Variants in ZMYND11 observed in about 807,000 individuals in gnomAD.
ZMYND11 encodes the protein zinc finger MYND domain-containing protein 11.
ZMYND11 carries 9 observed loss-of-function variants against 84.9 expected under a neutral mutation model. That is an observed-to-expected ratio of 0.11 (90% CI 0.06 to 0.18). The LOEUF is 0.18. Ranked by LOEUF, ZMYND11 falls within the 10% of genes least tolerant of loss-of-function variation. ZMYND11 has a pLI of 1.00. For missense variants in ZMYND11, 409 were observed against 761.0 expected (o/e 0.54, Z 5.44); for synonymous variants, 250 against 244.1 (o/e 1.02, Z -0.23).
intron 14 of ZMYND11, among the ~76,000 whole-genome samples, chr10:251,574 C>T (rs1953507329): frequency 1.3e-5 from 2 of 152,180 alleles, no homozygotes; most frequent in South Asian, 2.1e-4. Context: ...TGTTTGTTTA[C>T]ATCCAGAAGG....
intron 1 of ZMYND11, among the ~76,000 whole-genome samples, chr10:150,084 G>A (rs1554756543): frequency 6.6e-6 from 1 of 151,998 alleles, no homozygotes; most frequent in African/African-American, 2.4e-5. Context: ...TTTTTTTGTT[G>A]TGTCTCTGCC....
chr10:163,078 A>G (rs1057387073), intron 1 of ZMYND11, among the ~76,000 whole-genome samples: 4 of 152,214 alleles, frequency 2.6e-5, no homozygotes, highest in African/African-American at 9.7e-5. Context: ...TTTAATATCT[A>G]CATGACTGAA....
intron 1 of ZMYND11, among the ~76,000 whole-genome samples, chr10:150,527 C>T (rs188292314): frequency 4.3e-4 from 65 of 152,172 alleles, no homozygotes; most frequent in Admixed American, 8.5e-4. Context: ...GTCTTGCTAG[C>T]GGCCTATCAA....
At chr10:159,842 T>G (rs1009581827) in intron 1 of ZMYND11, among the ~76,000 whole-genome samples, 6 of 152,186 alleles carry the variant, frequency 3.9e-5, no homozygotes, top group African/African-American at 1.4e-4. Flanking sequence ...AATACTTGAT[T>G]TTGATTTTCT....
chr10:231,086 C>T (rs943574319), intron 4 of ZMYND11, among the ~76,000 whole-genome samples: 19 of 152,294 alleles, frequency 1.2e-4, no homozygotes, highest in Middle Eastern at 6.8e-3. Flanking sequence ...AAAGTTTTAT[C>T]GGAACACAGC....
At chr10:184,709 G>A (rs1937677091) in intron 2 of ZMYND11, among the ~76,000 whole-genome samples, 1 of 152,128 alleles carries the variant, frequency 6.6e-6, no homozygotes, top group Non-Finnish European at 1.5e-5. Context: ...TGCTGCGTGT[G>A]CCATAGTCCT....
chr10:141,996 A>G (rs1300558883), intron 1 of ZMYND11, among the ~76,000 whole-genome samples: 4 of 152,244 alleles, frequency 2.6e-5, no homozygotes, highest in African/African-American at 4.8e-5. Context: ...ATTTGTATAC[A>G]TTTTAATTTG....
At chr10:171,442 T>G (rs942975673) in intron 1 of ZMYND11, among the ~76,000 whole-genome samples, 2 of 152,076 alleles carry the variant, frequency 1.3e-5, no homozygotes, top group African/African-American at 2.4e-5. Context: ...CTTAATAAAC[T>G]TAATAGAAAT....
At chr10:201,997 T>C (rs1375000259) in intron 2 of ZMYND11, among the ~76,000 whole-genome samples, 3 of 152,194 alleles carry the variant, frequency 2.0e-5, no homozygotes, top group Non-Finnish European at 2.9e-5. Flanking sequence ...TAAGCAGTTA[T>C]AAGAAAATGA....
intron 1 of ZMYND11, among the ~76,000 whole-genome samples, chr10:153,900 G>A (rs1841024176): frequency 6.6e-6 from 1 of 152,194 alleles, no homozygotes; most frequent in Admixed American, 6.5e-5. Context: ...ATCTGCAGAA[G>A]CTGCCTTGCC....
intron 2 of ZMYND11, among the ~76,000 whole-genome samples, chr10:187,790 G>A (rs1477505519): frequency 1.3e-5 from 2 of 152,172 alleles, no homozygotes; most frequent in Admixed American, 1.3e-4. Flanking sequence ...CTGATTTAAA[G>A]CTATATTTAT....
chr10:175,440 C>T (rs1435721218), intron 1 of ZMYND11, among the ~76,000 whole-genome samples: 3 of 152,036 alleles, frequency 2.0e-5, no homozygotes, highest in South Asian at 2.1e-4. Context: ...TGGTGGCGCA[C>T]GCCTGTAATC....
intron 2 of ZMYND11, among the ~76,000 whole-genome samples, chr10:187,729 A>G (rs955013121): frequency 6.6e-6 from 1 of 152,184 alleles, no homozygotes; most frequent in Non-Finnish European, 1.5e-5. Flanking sequence ...TGAAATCAAA[A>G]TATGTATATG....
intron 7 of ZMYND11, 69 bp from the exon 8 acceptor site, chr10:239,987 A>G: frequency 7.3e-7 from 1 of 1,366,864 alleles, no homozygotes. Context: ...ACTGAAAGAA[A>G]AGGATAGTAA....
At chr10:145,477 T>C (rs1457164348) in intron 1 of ZMYND11, among the ~76,000 whole-genome samples, 1 of 152,054 alleles carries the variant, frequency 6.6e-6, no homozygotes, top group African/African-American at 2.4e-5. Flanking sequence ...GTCCGTGCCG[T>C]TTTCTGTAGA....
intron 2 of ZMYND11, among the ~76,000 whole-genome samples, chr10:184,617 G>A (rs1588730889): frequency 6.6e-6 from 1 of 151,878 alleles, no homozygotes; most frequent in East Asian, 1.9e-4. Context: ...CTTTTCTCAT[G>A]TGTTGAGACC....
At chr10:229,745 G>T (rs1245346387) in intron 4 of ZMYND11, among the ~76,000 whole-genome samples, 1 of 152,168 alleles carries the variant, frequency 6.6e-6, no homozygotes, top group Non-Finnish European at 1.5e-5. Flanking sequence ...AGTCTTAGTG[G>T]TTTGAAGGGA....
rs539645614 is a variant in ZMYND11 at position 183,709 on chromosome 10, G to A, written c.116+3581G>A. On this transcript the variant is annotated intron_variant, in intron 2 of 14. Coordinates refer to ENST00000381604, the MANE Select transcript of ZMYND11 (RefSeq NM_001370100.5). ...AACCAATTAGATTTAAAAACAAATT[G>A]CCCTTTGGAATTCATGCATTTAATT... Among the ~76,000 whole-genome samples the A allele has an allele frequency of 1.2e-4, 18 of 152,186 alleles. No homozygotes were observed. In the South Asian group the frequency reaches 1.5e-3, roughly 12 times the overall value.
At chr10:241,915 A>C in intron 9 of ZMYND11, 106 bp from the exon 10 acceptor site, 1 of 1,376,408 alleles carries the variant, frequency 7.3e-7, no homozygotes, top group African/African-American at 1.5e-5. Context: ...TTATGAAAGA[A>C]ATATTTTAGA....
Sources: allele counts gnomAD v4.1 joint callset (sites outside exome capture counted in the v4.1 genomes callset), GRCh38; gene constraint gnomAD v4.1.1; transcripts MANE v1.5; gene names NCBI Gene and HGNC (gene_info 2026-07-23, HGNC 2026-07-21).